SUSD6: variants seen among roughly 807,000 people sequenced by gnomAD.
SUSD6 encodes the protein sushi domain-containing protein 6.
SUSD6 carries 16 observed loss-of-function variants against 28.4 expected under a neutral mutation model. That is an observed-to-expected ratio of 0.56 (90% confidence interval 0.38 to 0.86). The LOEUF (loss-of-function observed/expected upper bound fraction) is 0.86. Among genes scored for constraint, SUSD6 ranks in the 40% least tolerant of loss-of-function variants. SUSD6 has a pLI of 0.00. For synonymous variants in SUSD6, 147 were observed against 159.6 expected (o/e 0.92, Z 0.59); for missense variants, 341 against 384.2 (o/e 0.89, Z 0.94).
chr14:69,627,234 A>T (rs2139594875), intron 1 of SUSD6, among the ~76,000 whole-genome samples: 1 of 152,296 alleles, frequency 6.6e-6, no homozygotes, highest in African/African-American at 2.4e-5. Context: ...ATTAATTCTG[A>T]TTTCAAGAGT....
At chr14:69,653,646 C>A (rs932262857) in intron 1 of SUSD6, among the ~76,000 whole-genome samples, 3 of 151,416 alleles carry the variant, frequency 2.0e-5, no homozygotes, top group African/African-American at 7.3e-5. Flanking sequence ...GAGGAGTAGT[C>A]ACTAACATGC....
At chr14:69,700,947 C>T (rs1293993003) in intron 2 of SUSD6, among the ~76,000 whole-genome samples, 4 of 152,066 alleles carry the variant, frequency 2.6e-5, no homozygotes, top group Non-Finnish European at 5.9e-5. Context: ...ATCCCTAAAG[C>T]ATTACAAGAA....
chr14:69,618,119 T>C (rs771835950), intron 1 of SUSD6, among the ~76,000 whole-genome samples: 4 of 152,188 alleles, frequency 2.6e-5, no homozygotes, highest in Non-Finnish European at 5.9e-5. Flanking sequence ...CTTGTTCCAA[T>C]TGGAACCACA....
chr14:69,689,620 A>G (rs1886125698), intron 2 of SUSD6, among the ~76,000 whole-genome samples: 1 of 152,248 alleles, frequency 6.6e-6, no homozygotes, highest in South Asian at 2.1e-4. Flanking sequence ...ATTTGTTAGG[A>G]AAGTGAAACC....
At chr14:69,618,793 T>A (rs1426167910) in intron 1 of SUSD6, among the ~76,000 whole-genome samples, 2 of 152,216 alleles carry the variant, frequency 1.3e-5, no homozygotes, top group African/African-American at 4.8e-5. Context: ...CAAATTTGAT[T>A]CTCAAATCCT....
chr14:69,612,530 G>A (rs747913962), intron 1 of SUSD6, among the ~76,000 whole-genome samples: 1 of 152,144 alleles, frequency 6.6e-6, no homozygotes, highest in African/African-American at 2.4e-5. Context: ...AGTCGTGGCT[G>A]GGGAGCTGCT....
chr14:69,675,945 G>T (rs539875331), intron 2 of SUSD6, among the ~76,000 whole-genome samples: 1 of 151,996 alleles, frequency 6.6e-6, no homozygotes, highest in South Asian at 2.1e-4. Context: ...TTGATGGTTT[G>T]GTTTTGTTTT....
In SUSD6 at chr14:69,625,729, C is replaced by T. The variant is rs374753873; in HGVS notation, c.-81+13901C>T. On this transcript the variant is annotated intron_variant, in intron 1 of 5. Coordinates refer to ENST00000342745, the MANE Select transcript of SUSD6 (RefSeq NM_014734.4). The stretch of plus-strand genomic sequence containing the variant: ...AAAGGAGAGGCTTGTTTCCTCTCTC[C>T]GCCTCCTGGTCTTGTATGTGGCACA... Among the ~76,000 whole-genome samples, 30 of 152,306 alleles carry T rather than the reference C, an allele frequency of 2.0e-4. No homozygotes were observed. The East Asian group carries it at 5.0e-3, about 25-fold the overall frequency.
chr14:69,693,839 A>G (rs898057131), intron 2 of SUSD6, among the ~76,000 whole-genome samples: 5 of 152,232 alleles, frequency 3.3e-5, no homozygotes, highest in Non-Finnish European at 7.3e-5. Context: ...CTCTTACTCC[A>G]TGTGGCTCTG....
chr14:69,620,799 G>A (rs1304854373), intron 1 of SUSD6, among the ~76,000 whole-genome samples: 1 of 152,180 alleles, frequency 6.6e-6, no homozygotes, highest in Non-Finnish European at 1.5e-5. Flanking sequence ...ATCTGGGAAT[G>A]TTTTCAGACC....
intron 1 of SUSD6, among the ~76,000 whole-genome samples, chr14:69,622,994 A>G (rs1281240185): frequency 6.6e-6 from 1 of 152,218 alleles, no homozygotes; most frequent in Non-Finnish European, 1.5e-5. Context: ...TGCATATGGC[A>G]GCAACTGTAC....
chr14:69,658,930 T>C (rs1566597235), intron 2 of SUSD6, among the ~76,000 whole-genome samples: 1 of 152,086 alleles, frequency 6.6e-6, no homozygotes, highest in Non-Finnish European at 1.5e-5. Context: ...GTGGTAACCT[T>C]GTCACCCCTC....
chr14:69,634,132 G>T (rs1158978093), intron 1 of SUSD6, among the ~76,000 whole-genome samples: 1 of 152,216 alleles, frequency 6.6e-6, no homozygotes, highest in Non-Finnish European at 1.5e-5. Flanking sequence ...AGGGTTCTTG[G>T]GGAATGATGG....
chr14:69,676,801 T>C (rs1361424812), intron 2 of SUSD6, among the ~76,000 whole-genome samples: 1 of 152,254 alleles, frequency 6.6e-6, no homozygotes, highest in Non-Finnish European at 1.5e-5. Flanking sequence ...AGTTTGCTAA[T>C]AATGTAGAAC....
At chr14:69,687,036 G>A (rs1447411607) in intron 2 of SUSD6, among the ~76,000 whole-genome samples, 2 of 152,170 alleles carry the variant, frequency 1.3e-5, no homozygotes, top group Admixed American at 6.5e-5. Flanking sequence ...GTGCAGTGGT[G>A]CGAACTTGTC....
chr14:69,653,513 G>T (rs543373179), intron 1 of SUSD6, among the ~76,000 whole-genome samples: 2 of 152,270 alleles, frequency 1.3e-5, no homozygotes, highest in African/African-American at 2.4e-5. Flanking sequence ...AGTCATTGAG[G>T]CCCTCTCCTC....
chr14:69,676,033 G>A (rs1566601257), intron 2 of SUSD6, among the ~76,000 whole-genome samples: 1 of 152,184 alleles, frequency 6.6e-6, no homozygotes, highest in Non-Finnish European at 1.5e-5. Flanking sequence ...TGTATGCATT[G>A]GGTCTTGTAC....
intron 1 of SUSD6, among the ~76,000 whole-genome samples, chr14:69,640,182 G>T (rs1338763155): frequency 2.0e-5 from 3 of 151,592 alleles, no homozygotes; most frequent in South Asian, 2.1e-4. Context: ...GAAGAATGGG[G>T]TCAAAGCCCA....
chr14:69,705,928 C>T (rs1886381059), intron 4 of SUSD6, among the ~76,000 whole-genome samples: 1 of 152,182 alleles, frequency 6.6e-6, no homozygotes, highest in Admixed American at 6.5e-5. Flanking sequence ...CCTGGCAGTT[C>T]CTCATTCCCT....
Sources: gnomAD v4.1 joint callset for allele counts (sites outside exome capture counted in the v4.1 genomes callset) on GRCh38, gnomAD v4.1.1 for gene constraint, MANE v1.5 for transcripts, NCBI Gene and HGNC (gene_info 2026-07-23, HGNC 2026-07-21) for gene names.